GABRG1: variants seen among roughly 807,000 people sequenced by gnomAD.
GABRG1 encodes the protein gamma-aminobutyric acid type A receptor subunit gamma1.
A neutral mutation model predicts 49.8 loss-of-function variants in GABRG1; 49 were observed. The ratio of observed to expected loss-of-function variants is 0.98; its 90% CI spans 0.78 to 1.25. The LOEUF is 1.25. Among genes scored for constraint, GABRG1 ranks in the 50% most tolerant of loss-of-function variants. The probability of loss-of-function intolerance (pLI) is 0.00; values close to 1 mark genes in which losing one functional copy is unlikely to be tolerated. For missense variants in GABRG1, 552 were observed against 552.3 expected (o/e 1.00, Z 0.01); for synonymous variants, 232 against 185.1 (o/e 1.25, Z -2.06).
chr4:46,107,842 A>G (rs1295079436), intron 1 of GABRG1, among the ~76,000 whole-genome samples: 1 of 151,226 alleles, frequency 6.6e-6, no homozygotes, highest in Non-Finnish European at 1.5e-5. Flanking sequence ...TTAAAATTAG[A>G]CTATTATCAG....
Position 46,094,186 on chromosome 4 carries a change from A to T in GABRG1, c.253+3015T>A, listed in dbSNP as rs568792334. On this transcript the variant is annotated intron_variant, in intron 2 of 8. Transcript: ENST00000295452. Reference sequence around the variant, plus strand: ...CAATATTTCCTTCAAAAATGTATATAAAAAAAAGAGAAAAGTAGAAGTAAA... The same window carrying T: ...CAATATTTCCTTCAAAAATGTATATTAAAAAAAGAGAAAAGTAGAAGTAAA... Among the ~76,000 whole-genome samples the T allele has an allele frequency of 6.1e-4, 75 of 122,742 alleles. 1 individual carries two copies. Among genetic ancestry groups the T allele is most frequent in the South Asian group, 2.0e-3 (9 of 4,552 alleles). The allele number at this position is 122,742 out of a possible 152,430, so 80.5% of individuals were successfully genotyped here.
intron 5 of GABRG1, among the ~76,000 whole-genome samples, chr4:46,058,887 T>TA (rs1330829542): frequency 6.6e-6 from 1 of 152,048 alleles, no homozygotes; most frequent in Non-Finnish European, 1.5e-5. Context: ...CACCCCAATA[T>TA]AGTACTTCCT....
chr4:46,036,904 C>T lies in GABRG1; in HGVS notation c.*4084G>A, dbSNP rs192410970. On this transcript the variant is annotated 3_prime_UTR_variant, in exon 9 of 9. Coordinates refer to ENST00000295452, the MANE Select transcript of GABRG1 (RefSeq NM_173536.4). ...CGTACTTCTCAGTTTATTGTTCTAA[C>T]CTAACCTTTCATTGTCTCTATATGA... is the stretch of plus-strand genomic sequence containing the variant. 2.6e-5 allele frequency: 4 copies of T among 151,950 alleles called. No homozygotes were observed. Among genetic ancestry groups the T allele is most frequent in the Non-Finnish European group, 4.4e-5 (3 of 67,820 alleles). The allele number at this position is 151,950 out of a possible 1,614,324, so 9.4% of individuals were successfully genotyped here. A position where few individuals can be genotyped will look rare whatever the true frequency, so the allele number is the denominator to read the frequency against.
Position 46,038,425 on chromosome 4 carries a change from C to A in GABRG1, c.*2563G>T, listed in dbSNP as rs1717615993. 1 of 151,568 alleles carries A rather than the reference C, an allele frequency of 6.6e-6. No individual in the cohort carries two copies. The highest frequency in any genetic ancestry group is 2.4e-5 in the African/African-American group (1 of 41,368). 9.4% of individuals were successfully genotyped at this position (151,568 alleles called of 1,614,324 possible). On this transcript the variant is annotated 3_prime_UTR_variant, in exon 9 of 9. Transcript: ENST00000295452. ...ATCTTATTCCTTGTGCTCCAGGTAT[C>A]CTTCCCAATTCTTTATATCTAATTT... is the stretch of plus-strand genomic sequence containing the variant.
chr4:46,088,670 A>G (rs1719867617), intron 2 of GABRG1, among the ~76,000 whole-genome samples: 1 of 151,822 alleles, frequency 6.6e-6, no homozygotes, highest in South Asian at 2.1e-4. Context: ...AATGCCAAAT[A>G]TTTCATTATA....
At chr4:46,122,007 T>C (rs993560314) in intron 1 of GABRG1, among the ~76,000 whole-genome samples, 1 of 152,088 alleles carries the variant, frequency 6.6e-6, no homozygotes, top group Non-Finnish European at 1.5e-5. Context: ...CATAGATGTA[T>C]TGAATGTGAA....
At chr4:46,100,733 T>G (rs1381238428) in intron 1 of GABRG1, among the ~76,000 whole-genome samples, 3 of 119,396 alleles carry the variant, frequency 2.5e-5, no homozygotes, top group African/African-American at 4.0e-5. Flanking sequence ...GCTTTTTCTG[T>G]TTTTTTTTTT....
At chr4:46,043,099 T>G (rs575964871) in intron 8 of GABRG1, among the ~76,000 whole-genome samples, 21 of 151,932 alleles carry the variant, frequency 1.4e-4, no homozygotes, top group Non-Finnish European at 2.4e-4. Flanking sequence ...TGAAAATTAA[T>G]TTTAAAAAAT....
chr4:46,082,933 T>C (rs1442885652), intron 3 of GABRG1, among the ~76,000 whole-genome samples: 1 of 151,750 alleles, frequency 6.6e-6, no homozygotes, highest in African/African-American at 2.4e-5. Context: ...TCTTAATGTC[T>C]TGAGCTTTAT....
chr4:46,079,602 C>G (rs1374696332), intron 3 of GABRG1, among the ~76,000 whole-genome samples: 2 of 151,680 alleles, frequency 1.3e-5, no homozygotes, highest in Non-Finnish European at 2.9e-5. Flanking sequence ...AAGGGTATAC[C>G]AGTTCCTACA....
chr4:46,120,011 T>G (rs1447672283), intron 1 of GABRG1, among the ~76,000 whole-genome samples: 1 of 151,742 alleles, frequency 6.6e-6, no homozygotes, highest in Non-Finnish European at 1.5e-5. Context: ...GCACAGATTT[T>G]CTTTCTTGGA....
chr4:46,043,679 G>A (rs1020583611), intron 8 of GABRG1, among the ~76,000 whole-genome samples: 20 of 151,698 alleles, frequency 1.3e-4, no homozygotes, highest in African/African-American at 3.6e-4. Flanking sequence ...ATCAGTTAAA[G>A]CAATTTAAAA....
intron 8 of GABRG1, among the ~76,000 whole-genome samples, chr4:46,050,158 T>A (rs757920627): frequency 3.3e-5 from 5 of 151,964 alleles, no homozygotes; most frequent in Non-Finnish European, 5.9e-5. Flanking sequence ...GACTTCTGAT[T>A]TGTCCATTCA....
In GABRG1 at chr4:46,038,047, A is replaced by G. The variant is rs1472878652; in HGVS notation, c.*2941T>C. 1 of 151,736 alleles carries G rather than the reference A, an allele frequency of 6.6e-6. No homozygotes were observed. Among genetic ancestry groups the G allele is most frequent in the Non-Finnish European group, 1.5e-5 (1 of 67,744 alleles). 9.4% of individuals were successfully genotyped at this position (151,736 alleles called of 1,614,324 possible). On this transcript the variant is annotated 3_prime_UTR_variant, in exon 9 of 9. Coordinates refer to ENST00000295452, the MANE Select transcript of GABRG1 (RefSeq NM_173536.4). Reference sequence around the variant, plus strand: ...TACACATTTACTGTGCTTAATTTAAAGTTGATCAATTTTAAAAACTTATTA... The same window carrying G: ...TACACATTTACTGTGCTTAATTTAAGGTTGATCAATTTTAAAAACTTATTA...
chr4:46,065,195 T>A (rs1160084720), intron 4 of GABRG1, among the ~76,000 whole-genome samples, 169 bp downstream of exon 4: 4 of 152,176 alleles, frequency 2.6e-5, no homozygotes, highest in African/African-American at 9.6e-5. Flanking sequence ...TAATAATAAC[T>A]GAGCTTAAAA....
chr4:46,085,806 T>C (rs1290462226), intron 2 of GABRG1, among the ~76,000 whole-genome samples: 1 of 151,614 alleles, frequency 6.6e-6, no homozygotes, highest in Non-Finnish European at 1.5e-5. Flanking sequence ...GACTAAGTAC[T>C]CTTTCTTAGC....
chr4:46,069,669 T>A (rs1287028813), intron 3 of GABRG1, among the ~76,000 whole-genome samples: 1 of 152,144 alleles, frequency 6.6e-6, no homozygotes, highest in Non-Finnish European at 1.5e-5. Flanking sequence ...GAATGTAGAT[T>A]GCCAAAGGCA....
intron 2 of GABRG1, among the ~76,000 whole-genome samples, chr4:46,091,938 C>T (rs1313724430): frequency 6.6e-6 from 1 of 151,900 alleles, no homozygotes; most frequent in Non-Finnish European, 1.5e-5. Flanking sequence ...AGATAAAATA[C>T]ATTTTATCTT....
chr4:46,101,706 G>C (rs1280347450), intron 1 of GABRG1, among the ~76,000 whole-genome samples: 2 of 151,418 alleles, frequency 1.3e-5, no homozygotes, highest in Non-Finnish European at 3.0e-5. Flanking sequence ...TGCTTATCAC[G>C]GTATTACCTA....
Sources: gnomAD v4.1 joint callset for allele counts (sites outside exome capture counted in the v4.1 genomes callset) on GRCh38, gnomAD v4.1.1 for gene constraint, MANE v1.5 for transcripts, NCBI Gene and HGNC (gene_info 2026-07-23, HGNC 2026-07-21) for gene names.